FER1L6: variants seen among roughly 807,000 people sequenced by gnomAD.
FER1L6 encodes fer-1 like family member 6.
A neutral mutation model predicts 219.2 loss-of-function variants in FER1L6; 177 were observed. That is an observed-to-expected ratio of 0.81 (90% CI 0.71 to 0.91). The LOEUF (loss-of-function observed/expected upper bound fraction) is 0.91. Among genes scored for constraint, FER1L6 ranks in the 40% least tolerant of loss-of-function variants. The pLI, the probability that FER1L6 is intolerant of heterozygous loss-of-function variation, is 0.00. For missense variants in FER1L6, 2,153 were observed against 2,259.9 expected (o/e 0.95, Z 0.96); for synonymous variants, 768 against 824.3 (o/e 0.93, Z 1.17).
At chr8:124,100,997 T>C (rs1195709290) in intron 37 of FER1L6, 100 bp from the exon 38 acceptor site, 6 of 1,100,778 alleles carry the variant, frequency 5.5e-6, no homozygotes, top group Admixed American at 2.1e-5. Context: ...TTTTAAACTA[T>C]GCTCTGTGAC....
Position 124,003,325 on chromosome 8 carries a change from C to G in FER1L6, c.1678C>G (p.Pro560Ala). The G allele has an allele frequency of 6.2e-7, 1 of 1,613,106 alleles. No individual in the cohort carries two copies. Among genetic ancestry groups the G allele is most frequent in the Non-Finnish European group, 8.5e-7 (1 of 1,179,828 alleles). The change falls in exon 13 of 41, where the codon CCA (proline) becomes GCA (alanine). Residue 560 changes from proline (P) to alanine (A), a missense_variant. By Grantham distance (27) the Pro-to-Ala change is conservative (BLOSUM62 -1). Coordinates refer to ENST00000522917, the MANE Select transcript of FER1L6 (RefSeq NM_001039112.2). ...GGCCTCCACCACTCACCCGGAGAAG[C>G]CACTGGTGACAGAAGGGAACAGGTA... ...PMASTTHPEK[P>A]LVTEGNRNYN...
intron 1 of FER1L6, among the ~76,000 whole-genome samples, chr8:123,906,267 T>C (rs1812951140): frequency 6.6e-6 from 1 of 152,170 alleles, no homozygotes; most frequent in Non-Finnish European, 1.5e-5. Context: ...GCCAGCACCA[T>C]AACCTCTAGG....
chr8:124,082,219 T>A (rs535630931), intron 32 of FER1L6, 69 bp from the exon 33 acceptor site: 1 of 1,303,624 alleles, frequency 7.7e-7, no homozygotes, highest in African/African-American at 1.5e-5. Flanking sequence ...TAGCTAAAAG[T>A]GAAGCTGGGA....
chr8:124,002,032 T>G (rs1199765975), intron 12 of FER1L6, among the ~76,000 whole-genome samples: 4 of 152,202 alleles, frequency 2.6e-5, no homozygotes, highest in Non-Finnish European at 4.4e-5. Flanking sequence ...AGCTACAGCC[T>G]GATCCTGTGA....
In FER1L6 at chr8:124,010,583, T is replaced by G. The variant is rs747486157; in HGVS notation, c.1701-11T>G. 3.1e-6 allele frequency: 5 copies of G among 1,613,362 alleles called. No individual in the cohort carries two copies. Among genetic ancestry groups the G allele is most frequent in the Non-Finnish European group, 4.2e-6 (5 of 1,179,776 alleles). On this transcript the variant is annotated splice_polypyrimidine_tract_variant and intron_variant, in intron 13 of 40. Coordinates refer to ENST00000522917, the MANE Select transcript of FER1L6 (RefSeq NM_001039112.2). Reference sequence around the variant, plus strand: ...TTACCAGCTAACTTCCAGACCTAATTGTTTTCACAGGAATTACAACTATTT... The same window carrying G: ...TTACCAGCTAACTTCCAGACCTAATGGTTTTCACAGGAATTACAACTATTT...
intron 39 of FER1L6, among the ~76,000 whole-genome samples, chr8:124,112,621 C>T (rs1823068498): frequency 6.6e-6 from 1 of 152,164 alleles, no homozygotes; most frequent in African/African-American, 2.4e-5. Flanking sequence ...AAATTCTATC[C>T]CTGGTACATC....
intron 11 of FER1L6, chr8:123,985,451 A>C (rs1816529594): frequency 6.6e-6 from 1 of 152,270 alleles, no homozygotes; most frequent in Non-Finnish European, 1.5e-5. Flanking sequence ...GATTCTGGTC[A>C]GTGTTAATGC....
In FER1L6 at chr8:124,003,358, T is replaced by A; in HGVS notation, c.1700+11T>A. ...GACAGAAGGGAACAGGTAGGAGACA[T>A]AGCCTGGGAGAACAGTCAAGGATTT... On this transcript the variant is annotated intron_variant, in intron 13 of 40. Transcript: ENST00000522917. 6.2e-7 allele frequency: 1 copy of A among 1,600,316 alleles called. No individual in the cohort carries two copies. The highest frequency in any genetic ancestry group is 1.1e-5 in the South Asian group (1 of 89,640).
chr8:123,880,300 G>A (rs1416060127), intron 1 of FER1L6, among the ~76,000 whole-genome samples: 1 of 152,136 alleles, frequency 6.6e-6, no homozygotes. Context: ...TGTATTTAAC[G>A]CCGCCTCTTT....
At chr8:124,004,314 G>A (rs375177085) in intron 13 of FER1L6, 102 of 152,288 alleles carry the variant, frequency 6.7e-4, no homozygotes, top group African/African-American at 2.3e-3. Context: ...ATAGTGTACT[G>A]AGAGTCTTTT....
chr8:123,858,636 C>A (rs756761239), intron 1 of FER1L6, among the ~76,000 whole-genome samples: 1 of 152,324 alleles, frequency 6.6e-6, no homozygotes, highest in Middle Eastern at 3.4e-3. Context: ...TGTCACTTCT[C>A]TTCATATACT....
At chr8:124,002,497 G>C (rs140843223) in intron 12 of FER1L6, among the ~76,000 whole-genome samples, 1 of 152,202 alleles carries the variant, frequency 6.6e-6, no homozygotes, top group Non-Finnish European at 1.5e-5. Flanking sequence ...CCTTCCAAAA[G>C]AGAGGAATGT....
At chr8:124,001,329 G>C (rs1255225800) in intron 12 of FER1L6, among the ~76,000 whole-genome samples, 1 of 152,154 alleles carries the variant, frequency 6.6e-6, no homozygotes, top group Non-Finnish European at 1.5e-5. Context: ...GTCCATCTCA[G>C]ACTACAAGTT....
intron 5 of FER1L6, among the ~76,000 whole-genome samples, chr8:123,969,040 T>G (rs1428584711): frequency 6.6e-6 from 1 of 152,148 alleles, no homozygotes; most frequent in Admixed American, 6.6e-5. Context: ...CTTACAACCT[T>G]GAGTTTGGGA....
chr8:124,035,048 A>C (rs1819137038), intron 18 of FER1L6, among the ~76,000 whole-genome samples: 2 of 152,190 alleles, frequency 1.3e-5, no homozygotes, highest in Non-Finnish European at 2.9e-5. Context: ...ATCACAGTGC[A>C]GGTTTAAGCT....
At chr8:123,886,240 A>C (rs963673274) in intron 1 of FER1L6, among the ~76,000 whole-genome samples, 2 of 152,138 alleles carry the variant, frequency 1.3e-5, no homozygotes, top group Non-Finnish European at 2.9e-5. Flanking sequence ...ACCTACACTC[A>C]AGTGGAAATT....
At chr8:123,888,361 C>T (rs533504230) in intron 1 of FER1L6, among the ~76,000 whole-genome samples, 5 of 152,246 alleles carry the variant, frequency 3.3e-5, no homozygotes, top group African/African-American at 7.2e-5. Flanking sequence ...TTGCAATCCA[C>T]CTGCCTCAGC....
At chr8:124,009,627 C>A (rs1563740731) in intron 13 of FER1L6, among the ~76,000 whole-genome samples, 1 of 150,738 alleles carries the variant, frequency 6.6e-6, no homozygotes, top group Non-Finnish European at 1.5e-5. Flanking sequence ...CTGTTCAGAT[C>A]TGAGGGTGCT....
intron 1 of FER1L6, among the ~76,000 whole-genome samples, chr8:123,938,447 A>AT (rs754744676): frequency 1.3e-5 from 2 of 152,126 alleles, no homozygotes; most frequent in Non-Finnish European, 2.9e-5. Context: ...AACATGATCT[A>AT]CTGGGTAATG....
Sources: gnomAD v4.1 joint callset for allele counts (sites outside exome capture counted in the v4.1 genomes callset) on GRCh38, gnomAD v4.1.1 for gene constraint, MANE v1.5 for transcripts, NCBI Gene and HGNC (gene_info 2026-07-23, HGNC 2026-07-21) for gene names.